Variants in MYO3A observed in about 807,000 individuals in gnomAD.
The protein encoded by MYO3A is myosin-IIIa.
Under a neutral mutation model 192.7 loss-of-function variants are expected in MYO3A, and 180 were observed. The observed-to-expected ratio is 0.93, with a 90% CI of 0.83 to 1.06. The LOEUF (loss-of-function observed/expected upper bound fraction) is 1.06. MYO3A is among the 50% of genes least tolerant of loss of function. MYO3A has a pLI of 0.00. For missense variants in MYO3A, 1,896 were observed against 1,905.0 expected, an observed-to-expected ratio of 1.00 and a Z score of 0.09; for synonymous variants, 628 against 645.3, an observed-to-expected ratio of 0.97 and a Z score of 0.41.
intron 17 of MYO3A, among the ~76,000 whole-genome samples, chr10:26,109,698 C>G (rs2131632530): frequency 6.6e-6 from 1 of 152,278 alleles, no homozygotes; most frequent in African/African-American, 2.4e-5. Context: ...GTAAACTTTT[C>G]TAGTATGGGC....
intron 2 of MYO3A, among the ~76,000 whole-genome samples, chr10:25,944,556 GT>G (rs1331603713): frequency 1.3e-5 from 2 of 151,926 alleles, no homozygotes; most frequent in Admixed American, 1.3e-4. Context: ...TGGTAGAGAA[GT>G]TTTTGATTAC....
chr10:26,207,504 TG>T (rs1269034344), intron 34 of MYO3A, among the ~76,000 whole-genome samples: 1 of 152,214 alleles, frequency 6.6e-6, no homozygotes, highest in Non-Finnish European at 1.5e-5. Context: ...TGTGGACATG[TG>T]GTTTTTGCAG....
chr10:26,211,191 G>A (rs1451317379), intron 34 of MYO3A, among the ~76,000 whole-genome samples: 1 of 152,234 alleles, frequency 6.6e-6, no homozygotes, highest in Admixed American at 6.5e-5. Flanking sequence ...AATCAATGGG[G>A]AGTGAATGAA....
At chr10:25,968,226 G>T (rs1301733099) in intron 4 of MYO3A, among the ~76,000 whole-genome samples, 1 of 152,152 alleles carries the variant, frequency 6.6e-6, no homozygotes, top group Non-Finnish European at 1.5e-5. Context: ...CCACTGGTTT[G>T]TCATCAAATG....
At chr10:26,153,960 G>A in intron 24 of MYO3A, 31 bp downstream of exon 24, 2 of 1,461,582 alleles carry the variant, frequency 1.4e-6, no homozygotes, top group Non-Finnish European at 1.9e-6. Context: ...TTGGCAGTGA[G>A]TCTAAGAATC....
At chr10:26,068,721 A>C in intron 11 of MYO3A, 47 bp from the exon 12 acceptor site, 1 of 1,258,966 alleles carries the variant, frequency 7.9e-7, no homozygotes, top group Non-Finnish European at 1.2e-6. Context: ...ATTGTAGTTG[A>C]CCACAAATAA....
rs1285693542 is a variant in MYO3A at position 26,016,848 on chromosome 10, G to A, written c.537G>A (p.Arg179=). The A allele has an allele frequency of 1.2e-6, 2 of 1,614,134 alleles. No homozygotes were observed. Among genetic ancestry groups the A allele is most frequent in the Non-Finnish European group, 1.7e-6 (2 of 1,180,020 alleles). ...TGTCTGCACAGCTCACCAGTACCCG[G>A]CACCGTCGGAACACATCCGTAGGAA... The part of the protein sequence containing the change: ...FGVSAQLTST[R]HRRNTSVGTP... The change falls in exon 7 of 35, where the codon CGG becomes CGA. Residue 179 remains arginine, a synonymous_variant. Transcript: ENST00000642920.
At chr10:26,018,586 C>G (rs956407231) in intron 7 of MYO3A, among the ~76,000 whole-genome samples, 1 of 152,098 alleles carries the variant, frequency 6.6e-6, no homozygotes, top group East Asian at 1.9e-4. Flanking sequence ...AATTCTATAT[C>G]AAAAGTAGCA....
At chr10:26,133,605 C>A (rs1045149933) in intron 20 of MYO3A, among the ~76,000 whole-genome samples, 1 of 151,772 alleles carries the variant, frequency 6.6e-6, no homozygotes, top group African/African-American at 2.4e-5. Context: ...GGTTTTTTTT[C>A]TTTTCTGAGT....
At chr10:26,180,242 A>G (rs978972670) in intron 31 of MYO3A, among the ~76,000 whole-genome samples, 2 of 152,236 alleles carry the variant, frequency 1.3e-5, no homozygotes, top group East Asian at 1.9e-4. Flanking sequence ...TTAATATAAC[A>G]TATCAAAAGA....
intron 6 of MYO3A, among the ~76,000 whole-genome samples, chr10:26,006,493 T>C (rs1302840135): frequency 1.3e-5 from 2 of 151,684 alleles, no homozygotes; most frequent in Admixed American, 6.6e-5. Flanking sequence ...GCAAGACTAA[T>C]AAAGAAGAAA....
chr10:26,157,919 G>T (rs1306896731), intron 26 of MYO3A, among the ~76,000 whole-genome samples: 1 of 152,132 alleles, frequency 6.6e-6, no homozygotes, highest in Non-Finnish European at 1.5e-5. Context: ...GTAGGGGCGT[G>T]GGGGGATGCT....
At chr10:26,110,441 G>A (rs1439772792) in intron 17 of MYO3A, among the ~76,000 whole-genome samples, 2 of 152,194 alleles carry the variant, frequency 1.3e-5, no homozygotes, top group East Asian at 3.8e-4. Flanking sequence ...ATTTGTTACA[G>A]TGAGACAGTA....
intron 6 of MYO3A, among the ~76,000 whole-genome samples, chr10:26,011,286 C>G (rs1242026665): frequency 6.6e-6 from 1 of 151,944 alleles, no homozygotes; most frequent in Non-Finnish European, 1.5e-5. Context: ...AAATAAAAGT[C>G]AGCCGGGTGT....
intron 14 of MYO3A, among the ~76,000 whole-genome samples, chr10:26,083,298 G>A (rs1350719093): frequency 6.6e-6 from 1 of 152,210 alleles, no homozygotes; most frequent in African/African-American, 2.4e-5. Flanking sequence ...CACTTTCCAG[G>A]TGGGACAGAG....
chr10:25,939,129 A>G (rs895910621), intron 2 of MYO3A, among the ~76,000 whole-genome samples: 2 of 152,076 alleles, frequency 1.3e-5, no homozygotes, highest in Non-Finnish European at 1.5e-5. Context: ...TAATATTTCT[A>G]GGAAATTGTC....
chr10:26,066,054 G>A (rs1463765562), intron 10 of MYO3A, among the ~76,000 whole-genome samples: 1 of 48,248 alleles, frequency 2.1e-5, no homozygotes, highest in African/African-American at 5.7e-5. Flanking sequence ...CCCGGGAGGC[G>A]GAGCTTGCAG....
At chr10:26,096,279 A>T in intron 15 of MYO3A, 102 bp from the exon 16 acceptor site, 2 of 848,128 alleles carry the variant, frequency 2.4e-6, no homozygotes, top group Non-Finnish European at 3.8e-6. Context: ...AGAAAAGCCC[A>T]TATCAGCACT....
intron 10 of MYO3A, among the ~76,000 whole-genome samples, chr10:26,049,431 T>G (rs74791022): frequency 6.6e-6 from 1 of 151,882 alleles, no homozygotes; most frequent in Non-Finnish European, 1.5e-5. Flanking sequence ...CTGGAAAGGA[T>G]AGGGGATCAA....
Sources: allele counts gnomAD v4.1 joint callset (sites outside exome capture counted in the v4.1 genomes callset), GRCh38; gene constraint gnomAD v4.1.1; transcripts MANE v1.5; gene names NCBI Gene and HGNC (gene_info 2026-07-23, HGNC 2026-07-21).